The following MMP26 variants were observed in gnomAD, a reference collection of about 807,000 sequenced individuals.
MMP26 encodes matrix metallopeptidase 26.
A neutral mutation model predicts 31.0 loss-of-function variants in MMP26; 33 were observed. The ratio of observed to expected loss-of-function variants is 1.06; its 90% CI spans 0.81 to 1.42. MMP26 has a LOEUF of 1.42. Ranked by LOEUF, MMP26 falls within the 40% of genes most tolerant of loss-of-function variation. The pLI is 0.00. For synonymous variants in MMP26, 122 were observed against 114.9 expected, an observed-to-expected ratio of 1.06 and a Z score of -0.40; for missense variants, 347 against 316.1, an observed-to-expected ratio of 1.10 and a Z score of -0.74.
chr11:4,828,215 A>G (rs1212158476), intron 2 of MMP26, among the ~76,000 whole-genome samples: 1 of 152,148 alleles, frequency 6.6e-6, no homozygotes, highest in East Asian at 1.9e-4. Context: ...AAGCCATTGT[A>G]GACTGAAGAG....
chr11:4,914,547 C>A (rs796827906), intron 2 of MMP26: 5 of 549,286 alleles, frequency 9.1e-6, no homozygotes, highest in South Asian at 5.9e-5. Context: ...ACATTTTACC[C>A]CCCCCTGCCC....
chr11:4,902,860 CA>C (rs1850824556), intron 2 of MMP26, among the ~76,000 whole-genome samples: 1 of 151,964 alleles, frequency 6.6e-6, no homozygotes, highest in African/African-American at 2.4e-5. Flanking sequence ...AATTTCTATT[CA>C]TTTCTTATTC....
At chr11:4,921,228 C>G (rs528869298) in intron 2 of MMP26, among the ~76,000 whole-genome samples, 1 of 152,166 alleles carries the variant, frequency 6.6e-6, no homozygotes, top group Non-Finnish European at 1.5e-5. Flanking sequence ...TCCCTAGGCT[C>G]ACAATTCAGA....
At chr11:4,743,261 T>A (rs1848338086) in intron 1 of MMP26, among the ~76,000 whole-genome samples, 2 of 152,196 alleles carry the variant, frequency 1.3e-5, no homozygotes, top group Admixed American at 1.3e-4. Flanking sequence ...TGACACTTGA[T>A]AGGCTTATTT....
chr11:4,894,736 C>T (rs1025207667), intron 2 of MMP26, among the ~76,000 whole-genome samples: 1 of 151,948 alleles, frequency 6.6e-6, no homozygotes, highest in Non-Finnish European at 1.5e-5. Context: ...ACAGCTGGAG[C>T]CTTATAAAGC....
intron 2 of MMP26, among the ~76,000 whole-genome samples, chr11:4,941,226 C>T (rs1217678715): frequency 6.6e-6 from 1 of 152,150 alleles, no homozygotes; most frequent in Non-Finnish European, 1.5e-5. Flanking sequence ...ACTTTGTAGG[C>T]AGAAGATTCT....
intron 1 of MMP26, among the ~76,000 whole-genome samples, chr11:4,748,693 A>C (rs747816757): frequency 1.2e-4 from 18 of 150,568 alleles, no homozygotes; most frequent in Non-Finnish European, 2.5e-4. Context: ...TTTTAAAAAA[A>C]ATATGATCAC....
At chr11:4,907,240 C>T (rs1589934962) in intron 2 of MMP26, 1 of 603,370 alleles carries the variant, frequency 1.7e-6, no homozygotes, top group East Asian at 2.8e-5. Context: ...GATTAGCAGC[C>T]AAATATGCCT....
chr11:4,828,186 C>T (rs1564789537), intron 2 of MMP26, among the ~76,000 whole-genome samples: 2 of 152,146 alleles, frequency 1.3e-5, no homozygotes, highest in South Asian at 4.1e-4. Flanking sequence ...TGTGAGGAAG[C>T]AGTGCTCCTC....
chr11:4,983,270 C>A (rs759289137), intron 2 of MMP26, among the ~76,000 whole-genome samples: 1 of 152,144 alleles, frequency 6.6e-6, no homozygotes, highest in Non-Finnish European at 1.5e-5. Context: ...ATCTCATTAC[C>A]CTCTATGCTC....
At chr11:4,974,788 C>A (rs886487340) in intron 2 of MMP26, among the ~76,000 whole-genome samples, 1 of 152,076 alleles carries the variant, frequency 6.6e-6, no homozygotes, top group Non-Finnish European at 1.5e-5. Context: ...AAAGGAACGA[C>A]ATCATGTCCT....
chr11:4,821,867 G>C (rs148401759), intron 2 of MMP26: 2 of 1,613,940 alleles, frequency 1.2e-6, no homozygotes, highest in Non-Finnish European at 1.7e-6. Context: ...ATTGGGATGA[G>C]CATGTTGATA....
chr11:4,751,743 G>T (rs1449444667), intron 1 of MMP26, among the ~76,000 whole-genome samples: 2 of 152,000 alleles, frequency 1.3e-5, no homozygotes, highest in Non-Finnish European at 2.9e-5. Context: ...CTGGATATTT[G>T]GAATCTTAAT....
At chr11:4,933,606 T>G (rs374026425) in intron 2 of MMP26, among the ~76,000 whole-genome samples, 2,656 of 151,346 alleles carry the variant, frequency 0.018, 30 homozygotes, top group Middle Eastern at 0.035. Flanking sequence ...AAGTTTTAGG[T>G]TACATGTGCA....
chr11:4,879,746 A>G (rs1044216441), intron 2 of MMP26, among the ~76,000 whole-genome samples: 5 of 152,172 alleles, frequency 3.3e-5, no homozygotes, highest in African/African-American at 1.2e-4. Flanking sequence ...GGCTCCAGAT[A>G]TGACTTGAAT....
At chr11:4,933,469 A>T (rs542456521) in intron 2 of MMP26, among the ~76,000 whole-genome samples, 3 of 107,948 alleles carry the variant, frequency 2.8e-5, no homozygotes, top group African/African-American at 9.0e-5. Context: ...ATGTAAAATG[A>T]TTAAGAAAGA....
rs540572047 is a variant in MMP26, at chr11:4,838,315, TAAAAAAAAAAAAAAAAAAAAAA to T, written c.-145+70994_-145+71015del. On this transcript the variant is annotated intron_variant, in intron 2 of 7. Coordinates refer to ENST00000380390, the MANE Select transcript of MMP26 (RefSeq NM_021801.5). ...CCAGGGCACAGGGCAAGACTCTGTC[TAAAAAAAAAAAAAAAAAAAAAA>T]AAAAAAAAAAAAAAAAAAAGTATGA... Among the ~76,000 whole-genome samples, 154 of 27,418 alleles carry T rather than the reference TAAAAAAAAAAAAAAAAAAAAAA, an allele frequency of 5.6e-3. 5 individuals are homozygous for T. The East Asian group carries it at 0.16, about 28-fold the overall frequency. 18.0% of individuals were successfully genotyped at this position (27,418 alleles called of 152,430 possible).
chr11:4,856,968 G>T (rs548410856), intron 2 of MMP26, among the ~76,000 whole-genome samples: 1 of 152,284 alleles, frequency 6.6e-6, no homozygotes, highest in Non-Finnish European at 1.5e-5. Flanking sequence ...GCTCCTGAAT[G>T]ACTACTGGGT....
intron 2 of MMP26, among the ~76,000 whole-genome samples, chr11:4,875,030 G>A (rs1056254050): frequency 6.6e-6 from 1 of 152,066 alleles, no homozygotes; most frequent in Non-Finnish European, 1.5e-5. Context: ...AACACGCATG[G>A]CACTGACTTC....
Sources: gnomAD v4.1 joint callset for allele counts (sites outside exome capture counted in the v4.1 genomes callset) on GRCh38, gnomAD v4.1.1 for gene constraint, MANE v1.5 for transcripts, NCBI Gene and HGNC (gene_info 2026-07-23, HGNC 2026-07-21) for gene names.